The following ABCA13 variants were observed in gnomAD, a reference collection of about 807,000 sequenced individuals.
ABCA13 encodes the protein ATP binding cassette subfamily A member 13, also known as ATP-binding cassette sub-family A member 13.
In ABCA13, 476 loss-of-function variants were observed where a neutral mutation model predicts 478.7. That is an observed-to-expected ratio of 0.99 (90% confidence interval 0.92 to 1.07). ABCA13 has a LOEUF of 1.07. ABCA13 is among the 50% of genes least tolerant of loss of function. The probability of loss-of-function intolerance (pLI) is 0.00; values close to 1 mark genes in which losing one functional copy is unlikely to be tolerated. For missense variants in ABCA13, 6,060 were observed against 5,910.6 expected (o/e 1.03, Z -0.83); for synonymous variants, 2,252 against 2,158.9 (o/e 1.04, Z -1.20).
At chr7:48,514,836 T>G (rs1296396744) in intron 51 of ABCA13, among the ~76,000 whole-genome samples, 4 of 152,204 alleles carry the variant, frequency 2.6e-5, no homozygotes, top group Non-Finnish European at 5.9e-5. Context: ...ATTAGTTGAT[T>G]GTCTTATGTA....
intron 45 of ABCA13, among the ~76,000 whole-genome samples, chr7:48,480,199 C>CA (rs1828613159): frequency 6.6e-6 from 1 of 152,140 alleles, no homozygotes; most frequent in Non-Finnish European, 1.5e-5. Context: ...CCTGTTTTCC[C>CA]ATTTTCCCCT....
At chr7:48,412,894 C>T (rs1819471614) in intron 41 of ABCA13, among the ~76,000 whole-genome samples, 1 of 151,374 alleles carries the variant, frequency 6.6e-6, no homozygotes, top group South Asian at 2.1e-4. Context: ...TCACTGCAAG[C>T]TCTGCCTCCC....
intron 55 of ABCA13, among the ~76,000 whole-genome samples, chr7:48,579,570 T>C (rs1424278516): frequency 6.6e-6 from 1 of 152,160 alleles, no homozygotes; most frequent in Non-Finnish European, 1.5e-5. Context: ...GGCAGAATCT[T>C]ATAAAACTAA....
At chr7:48,621,146 C>T (rs1343845820) in intron 59 of ABCA13, among the ~76,000 whole-genome samples, 1 of 152,138 alleles carries the variant, frequency 6.6e-6, no homozygotes, top group South Asian at 2.1e-4. Context: ...CCCACAGACA[C>T]CGAGGATGAT....
At chr7:48,585,826 A>G (rs1789127356) in intron 56 of ABCA13, among the ~76,000 whole-genome samples, 1 of 152,194 alleles carries the variant, frequency 6.6e-6, no homozygotes, top group Non-Finnish European at 1.5e-5. Context: ...TTCTATGGTC[A>G]TAAGAGTTAA....
At chr7:48,595,618 A>G (rs1790205139) in intron 58 of ABCA13, among the ~76,000 whole-genome samples, 1 of 152,216 alleles carries the variant, frequency 6.6e-6, no homozygotes, top group Non-Finnish European at 1.5e-5. Context: ...CAAGAACAGT[A>G]GCCAGAGTGT....
intron 26 of ABCA13, 137 bp from the exon 27 acceptor site, chr7:48,317,020 C>T: frequency 1.9e-6 from 2 of 1,063,894 alleles, no homozygotes; most frequent in Non-Finnish European, 2.6e-6. Context: ...TATAGCACTC[C>T]CAAAGTTCAG....
intron 15 of ABCA13, among the ~76,000 whole-genome samples, chr7:48,265,629 C>G (rs1794769823): frequency 6.6e-6 from 1 of 151,406 alleles, no homozygotes; most frequent in African/African-American, 2.4e-5. Flanking sequence ...GTAAATTCAT[C>G]TTGTATCATG....
chr7:48,295,381 G>T (rs1799221299), intron 20 of ABCA13, among the ~76,000 whole-genome samples: 1 of 152,146 alleles, frequency 6.6e-6, no homozygotes, highest in Non-Finnish European at 1.5e-5. Flanking sequence ...TGAGTTATTT[G>T]TTTTTCTGCT....
intron 55 of ABCA13, among the ~76,000 whole-genome samples, chr7:48,564,477 T>C (rs1327841282): frequency 1.3e-5 from 2 of 151,826 alleles, no homozygotes; most frequent in Non-Finnish European, 2.9e-5. Context: ...ACACATAATA[T>C]GGTAAAGTAA....
chr7:48,403,869 G>A lies in ABCA13; in HGVS notation c.12060G>A (p.Lys4020=). The A allele has an allele frequency of 1.9e-6, 3 of 1,613,076 alleles. No individual in the cohort carries two copies. The highest frequency in any genetic ancestry group is 1.7e-6 in the Non-Finnish European group (2 of 1,179,488). ...ATAGCCTGTGGGACATTCTGCTCAA[G>A]TACCGAGAAGGTAGGCACTGGGCCT... ...SRHSLWDILL[K]YREGRTIIFT... The change falls in exon 39 of 62, where the codon AAG becomes AAA. Residue 4020 remains lysine, a synonymous_variant. Coordinates refer to ENST00000435803, the MANE Select transcript of ABCA13 (RefSeq NM_152701.5).
intron 44 of ABCA13, 60 bp downstream of exon 44, chr7:48,467,105 G>A (rs1826968257): frequency 6.7e-7 from 1 of 1,487,438 alleles, no homozygotes. Context: ...TTGTAGCCTG[G>A]GAGGACTGTT....
chr7:48,317,101 T>C, intron 26 of ABCA13, 56 bp from the exon 27 acceptor site: 3 of 1,552,874 alleles, frequency 1.9e-6, no homozygotes, highest in Non-Finnish European at 2.6e-6. Flanking sequence ...AATTTCCCTA[T>C]TAACCTAGGC....
intron 45 of ABCA13, among the ~76,000 whole-genome samples, chr7:48,475,137 G>C (rs1827938816): frequency 6.6e-6 from 1 of 152,174 alleles, no homozygotes; most frequent in Non-Finnish European, 1.5e-5. Context: ...CCCTTTTGTG[G>C]CAGCAGTGTG....
chr7:48,413,217 T>G (rs1014054574), intron 41 of ABCA13, among the ~76,000 whole-genome samples: 2 of 152,226 alleles, frequency 1.3e-5, no homozygotes, highest in Non-Finnish European at 2.9e-5. Flanking sequence ...ATTCTTCATG[T>G]AGAGATGCCC....
At chr7:48,462,762 G>A (rs1826406454) in intron 43 of ABCA13, among the ~76,000 whole-genome samples, 1 of 152,112 alleles carries the variant, frequency 6.6e-6, no homozygotes, top group African/African-American at 2.4e-5. Flanking sequence ...GCCGGCCTTG[G>A]CCTCCCAAAG....
At chr7:48,368,816 T>C (rs977346206) in intron 32 of ABCA13, among the ~76,000 whole-genome samples, 3 of 150,492 alleles carry the variant, frequency 2.0e-5, no homozygotes, top group Non-Finnish European at 3.0e-5. Context: ...CTTTATTCAC[T>C]CATTGATTGA....
chr7:48,517,240 C>T (rs548657867), intron 52 of ABCA13, among the ~76,000 whole-genome samples: 1 of 152,248 alleles, frequency 6.6e-6, no homozygotes, highest in East Asian at 1.9e-4. Flanking sequence ...AACATGCCCT[C>T]TCAATGTTCA....
At chr7:48,174,283 C>T (rs954180708) in intron 1 of ABCA13, among the ~76,000 whole-genome samples, 8 of 152,116 alleles carry the variant, frequency 5.3e-5, no homozygotes, top group Admixed American at 5.2e-4. Context: ...TCTGTTTTTA[C>T]ATTTACTGTT....
Sources: allele counts gnomAD v4.1 joint callset (sites outside exome capture counted in the v4.1 genomes callset), GRCh38; gene constraint gnomAD v4.1.1; transcripts MANE v1.5; gene names NCBI Gene and HGNC (gene_info 2026-07-23, HGNC 2026-07-21).